The following KIAA1671 variants were observed in gnomAD, a reference collection of about 807,000 sequenced individuals.
KIAA1671 encodes uncharacterized protein KIAA1671.
In KIAA1671, 52 loss-of-function variants were observed where a neutral mutation model predicts 131.2. That is an observed-to-expected ratio of 0.40 (90% CI 0.32 to 0.50). KIAA1671 has a LOEUF of 0.50. KIAA1671 is among the 20% of genes least tolerant of loss of function. The pLI is 0.73. For synonymous variants in KIAA1671, 1,003 were observed against 961.6 expected (o/e 1.04, Z -0.80); for missense variants, 2,360 against 2,364.2 (o/e 1.00, Z 0.04).
intron 6 of KIAA1671, among the ~76,000 whole-genome samples, chr22:25,090,397 A>C (rs1288162925): frequency 6.6e-6 from 1 of 152,124 alleles, no homozygotes; most frequent in Non-Finnish European, 1.5e-5. Flanking sequence ...CATGTTCAGG[A>C]CTCTGGCCTC....
intron 3 of KIAA1671, among the ~76,000 whole-genome samples, chr22:25,030,664 C>T (rs1926237309): frequency 1.3e-5 from 2 of 152,238 alleles, no homozygotes; most frequent in African/African-American, 4.8e-5. Context: ...AGTCAGATGG[C>T]TAATAATGAT....
chr22:25,192,122 A>G (rs556265977), intron 12 of KIAA1671, among the ~76,000 whole-genome samples: 2 of 152,236 alleles, frequency 1.3e-5, no homozygotes, highest in South Asian at 4.2e-4. Flanking sequence ...TACATGTAAT[A>G]TCTCATTTAA....
chr22:24,957,795 A>G (rs769013832), intron 1 of KIAA1671, among the ~76,000 whole-genome samples: 3 of 145,532 alleles, frequency 2.1e-5, no homozygotes, highest in African/African-American at 5.2e-5. Context: ...CTCCTATCTC[A>G]GCCTCCCGAG....
In KIAA1671 at chr22:25,029,032, C is replaced by A; in HGVS notation, c.1033C>A (p.Leu345Met). The A allele has an allele frequency of 6.6e-7, 1 of 1,505,854 alleles. No individual in the cohort carries two copies. The highest frequency in any genetic ancestry group is 1.4e-5 in the African/African-American group (1 of 71,422). The allele number at this position is 1,505,854 out of a possible 1,614,324, so 93.3% of individuals were successfully genotyped here. A position where few individuals can be genotyped will look rare whatever the true frequency, so the allele number is the denominator to read the frequency against. The change falls in exon 3 of 13, where the codon CTG (leucine) becomes ATG (methionine). Residue 345 changes from leucine to methionine, a missense_variant. Leu to Met is a conservative substitution (Grantham distance 15). Coordinates refer to ENST00000358431, the MANE Select transcript of KIAA1671 (RefSeq NM_001145206.2). ...TCTTCATGATCCTGATTTGGACTTC[C>A]TGGAGGTGGCCAAGAAAATCCGTGA... Reference protein sequence around the residue: ...APLHDPDLDFLEVAKKIRERK... With the variant: ...APLHDPDLDFMEVAKKIRERK...
At chr22:24,962,411 T>C (rs1922064292) in intron 1 of KIAA1671, among the ~76,000 whole-genome samples, 1 of 151,948 alleles carries the variant, frequency 6.6e-6, no homozygotes, top group Non-Finnish European at 1.5e-5. Context: ...GCTGAGGGGG[T>C]CCTGATAGGG....
chr22:25,113,057 C>A (rs2145916519), intron 6 of KIAA1671, among the ~76,000 whole-genome samples: 1 of 152,238 alleles, frequency 6.6e-6, no homozygotes, highest in Non-Finnish European at 1.5e-5. Flanking sequence ...TGGATTGGGA[C>A]AGCAGGGTGG....
chr22:25,185,280 A>T (rs1934437839), intron 11 of KIAA1671, 161 bp downstream of exon 11: 2 of 834,672 alleles, frequency 2.4e-6, no homozygotes, highest in African/African-American at 3.5e-5. Context: ...CAATACTCAG[A>T]TACCTAAAAA....
chr22:24,972,109 G>T (rs1922646434), intron 1 of KIAA1671, among the ~76,000 whole-genome samples: 1 of 152,126 alleles, frequency 6.6e-6, no homozygotes, highest in Admixed American at 6.5e-5. Flanking sequence ...GATCATTGCA[G>T]AACATGAAGG....
chr22:25,119,980 T>C (rs1931855644), intron 6 of KIAA1671, among the ~76,000 whole-genome samples: 1 of 152,184 alleles, frequency 6.6e-6, no homozygotes. Flanking sequence ...AAGGGAGAGC[T>C]ATATCTGTGC....
chr22:25,119,543 A>T (rs1218268221), intron 6 of KIAA1671, among the ~76,000 whole-genome samples: 1 of 152,258 alleles, frequency 6.6e-6, no homozygotes, highest in South Asian at 2.1e-4. Context: ...TGGGACTCAT[A>T]GGAGCAGGGA....
At chr22:25,021,927 C>T (rs1284986874) in intron 1 of KIAA1671, among the ~76,000 whole-genome samples, 2 of 152,144 alleles carry the variant, frequency 1.3e-5, no homozygotes, top group African/African-American at 4.8e-5. Context: ...GCTGAGACTA[C>T]AGGCACCCGC....
intron 1 of KIAA1671, among the ~76,000 whole-genome samples, chr22:25,008,882 G>T (rs1335439915): frequency 6.6e-6 from 1 of 152,214 alleles, no homozygotes; most frequent in Non-Finnish European, 1.5e-5. Flanking sequence ...CCCAGAAATA[G>T]GTCTGTTGTC....
chr22:24,989,481 C>T (rs1260309677), intron 1 of KIAA1671, among the ~76,000 whole-genome samples: 2 of 152,130 alleles, frequency 1.3e-5, no homozygotes. Context: ...CCTTCATAGC[C>T]CTGGTCAACT....
At chr22:25,072,465 T>C (rs738324) in intron 6 of KIAA1671, among the ~76,000 whole-genome samples, 74,311 of 151,990 alleles carry the variant, frequency 0.49, 18,899 homozygotes, top group African/African-American at 0.62. Flanking sequence ...AGGAGCCACA[T>C]AGGCCCACCG....
intron 6 of KIAA1671, among the ~76,000 whole-genome samples, chr22:25,069,046 G>A (rs1688759631): frequency 1.3e-5 from 2 of 152,230 alleles, no homozygotes; most frequent in South Asian, 2.1e-4. Flanking sequence ...AGGAGCAGGT[G>A]TTGAGTAGGG....
At chr22:25,150,757 C>T (rs1388275185) in intron 6 of KIAA1671, among the ~76,000 whole-genome samples, 1 of 151,954 alleles carries the variant, frequency 6.6e-6, no homozygotes, top group Non-Finnish European at 1.5e-5. Flanking sequence ...AACAGCACCC[C>T]GCTCCTCAAG....
At chr22:25,144,582 C>T (rs930652790) in intron 6 of KIAA1671, among the ~76,000 whole-genome samples, 7 of 152,228 alleles carry the variant, frequency 4.6e-5, no homozygotes, top group African/African-American at 1.2e-4. Context: ...GAATACCCTT[C>T]GGAGTCTCAT....
intron 6 of KIAA1671, among the ~76,000 whole-genome samples, chr22:25,168,055 C>T (rs532698313): frequency 3.7e-4 from 56 of 152,278 alleles, no homozygotes; most frequent in Middle Eastern, 6.8e-3. Flanking sequence ...TTCTGCAGGA[C>T]CACATGGACC....
At chr22:25,173,593 A>G (rs981118823) in intron 7 of KIAA1671, among the ~76,000 whole-genome samples, 9 of 152,252 alleles carry the variant, frequency 5.9e-5, no homozygotes, top group African/African-American at 2.2e-4. Flanking sequence ...TGTACCCCGG[A>G]AACGTGTAAT....
Sources: allele counts gnomAD v4.1 joint callset (sites outside exome capture counted in the v4.1 genomes callset), GRCh38; gene constraint gnomAD v4.1.1; transcripts MANE v1.5; gene names NCBI Gene and HGNC (gene_info 2026-07-23, HGNC 2026-07-21).